ECE1: variants seen among roughly 807,000 people sequenced by gnomAD.
ECE1 encodes endothelin converting enzyme 1, also known as endothelin-converting enzyme 1.
ECE1 carries 35 observed loss-of-function variants against 98.6 expected under a neutral mutation model. That is an observed-to-expected ratio of 0.35 (90% CI 0.27 to 0.47). The LOEUF is 0.47. Ranked by LOEUF, ECE1 falls within the 20% of genes least tolerant of loss-of-function variation. ECE1 has a pLI of 1.00. For synonymous variants in ECE1, 394 were observed against 407.1 expected, an observed-to-expected ratio of 0.97 and a Z score of 0.39; for missense variants, 814 against 1,025.3, an observed-to-expected ratio of 0.79 and a Z score of 2.81.
intron 4 of ECE1, among the ~76,000 whole-genome samples, chr1:21,265,045 T>C (rs2098232154): frequency 6.6e-6 from 1 of 152,210 alleles, no homozygotes; most frequent in Non-Finnish European, 1.5e-5. Context: ...TCCTATCATG[T>C]ATTTAGTCAT....
At chr1:21,299,673 G>C (rs887982790) in intron 1 of ECE1, 1 of 152,256 alleles carries the variant, frequency 6.6e-6, no homozygotes, top group South Asian at 2.1e-4. Context: ...CCTTGGGCAA[G>C]CTACTTCACC....
At chr1:21,333,788 C>A (rs931409678) in intron 1 of ECE1, among the ~76,000 whole-genome samples, 1 of 151,822 alleles carries the variant, frequency 6.6e-6, no homozygotes, top group Non-Finnish European at 1.5e-5. Context: ...GAGCTGAGAT[C>A]GTGCCACTGC....
chr1:21,320,275 G>A (rs568855556), intron 1 of ECE1, among the ~76,000 whole-genome samples: 1 of 152,298 alleles, frequency 6.6e-6, no homozygotes, highest in East Asian at 1.9e-4. Context: ...GCTCAAACAG[G>A]TCACCGGACT....
chr1:21,219,295 C>T lies in ECE1; in HGVS notation c.*660G>A, dbSNP rs1268599074. 6.5e-6 allele frequency: 1 copy of T among 152,760 alleles called. No homozygotes were observed. The highest frequency in any genetic ancestry group is 2.4e-5 in the African/African-American group (1 of 41,480). The allele number at this position is 152,760 out of a possible 1,614,324, so 9.5% of individuals were successfully genotyped here. On this transcript the variant is annotated 3_prime_UTR_variant, in exon 19 of 19. Transcript: ENST00000374893. This position sits in a 1 kb window ranked among gnomAD's most constrained non-coding sequence, Gnocchi z 4.5. ...GGCCCCCCGCAGAGCAGGCTCCTCT[C>T]TCTGCCTGGCCTCCACACCTCTACT...
rs1446935108 is a variant in ECE1, at chr1:21,323,822, T to TC, written c.3+21553_3+21554insG. Reference sequence around the variant, plus strand: ...GGAGATGGGGGCAATTTTCTTTCTTTTTTTTTTTTTTTTGAGACATAGTTT... The same window carrying TC: ...GGAGATGGGGGCAATTTTCTTTCTTTCTTTTTTTTTTTTTGAGACATAGTTT... On this transcript the variant is annotated intron_variant, in intron 1 of 18. Transcript: ENST00000415912. Among the ~76,000 whole-genome samples, 32 of 149,012 alleles carry TC rather than the reference T, an allele frequency of 2.1e-4. No individual in the cohort carries two copies. In the South Asian group the frequency reaches 5.7e-3, roughly 27 times the overall value.
At chr1:21,268,034 T>A (rs1412350525) in intron 4 of ECE1, among the ~76,000 whole-genome samples, 1 of 152,212 alleles carries the variant, frequency 6.6e-6, no homozygotes, top group Non-Finnish European at 1.5e-5. Flanking sequence ...GATTTTTTTG[T>A]ATGCGTTCAT....
At position 21,260,127 on chromosome 1, in the gene ECE1, GCTCT is replaced by G. The variant is rs747414373; in HGVS notation, c.615+140_615+143del. On this transcript the variant is annotated intron_variant, in intron 5 of 18. Transcript: ENST00000374893. The surrounding 1 kb of genome is among the most constrained non-coding windows in gnomAD (Gnocchi z 4.3). ...CACTCACATGTGCTCTCGCACACTCGCTCTCTCTCTTTCTGTCTTTCTCTTGGTG... is the reference window on the plus strand; with the variant it reads ...CACTCACATGTGCTCTCGCACACTCGCTCTCTTTCTGTCTTTCTCTTGGTG... 1.4e-4 allele frequency: 183 copies of G among 1,290,324 alleles called. 1 individual carries two copies. Among genetic ancestry groups the G allele is most frequent in the South Asian group, 2.7e-4 (22 of 82,116 alleles). The allele number at this position is 1,290,324 out of a possible 1,614,324, so 79.9% of individuals were successfully genotyped here. A position where few individuals can be genotyped will look rare whatever the true frequency, so the allele number is the denominator to read the frequency against.
chr1:21,296,827 T>C (rs139848629), intron 1 of ECE1, among the ~76,000 whole-genome samples: 2 of 152,270 alleles, frequency 1.3e-5, no homozygotes, highest in African/African-American at 4.8e-5. Context: ...GGGCCACCCA[T>C]CTGGGATGTG....
intron 2 of ECE1, among the ~76,000 whole-genome samples, chr1:21,284,221 T>C (rs553707518): frequency 1.3e-5 from 2 of 152,322 alleles, no homozygotes; most frequent in Non-Finnish European, 2.9e-5. Context: ...GACTGGTTTC[T>C]TACGTTTCTT....
intron 1 of ECE1, among the ~76,000 whole-genome samples, chr1:21,341,612 C>A (rs1422747329): frequency 1.3e-5 from 2 of 152,198 alleles, no homozygotes; most frequent in Non-Finnish European, 2.9e-5. Context: ...CAAAAGGTAA[C>A]AACATCCTTG....
chr1:21,285,141 G>C (rs2098259129), intron 2 of ECE1, among the ~76,000 whole-genome samples: 1 of 152,140 alleles, frequency 6.6e-6, no homozygotes, highest in Non-Finnish European at 1.5e-5. Context: ...ACCCCACCCA[G>C]ATGCCTGACT....
intron 8 of ECE1, among the ~76,000 whole-genome samples, chr1:21,254,891 G>A (rs1048074757): frequency 6.6e-6 from 1 of 152,136 alleles, no homozygotes; most frequent in Non-Finnish European, 1.5e-5. Context: ...CTGCATCTCC[G>A]CCTGGGACAC....
rs779392543 is a variant in ECE1, at chr1:21,247,228, C to T, written c.1156G>A (p.Asp386Asn). 61 of 1,614,050 alleles carry T rather than the reference C, an allele frequency of 3.8e-5. No homozygotes were observed. The highest frequency in any genetic ancestry group is 4.9e-5 in the Non-Finnish European group (58 of 1,180,028). Residue 386 changes from aspartate (D) to asparagine (N), a missense_variant, in exon 9 of 19, where the codon GAC (aspartate) becomes AAC (asparagine). Asp to Asn is a conservative substitution (Grantham distance 23). Transcript: ENST00000374893. Reference sequence around the variant, plus strand: ...CACTGGGGGTCCTCTTACCATCTGTCGGTGGTGTTGATGAGAGTGGAGATC... The same window carrying T: ...CACTGGGGGTCCTCTTACCATCTGTTGGTGGTGTTGATGAGAGTGGAGATC... The part of the protein sequence containing the change: ...EQISTLINTT[D>N]RCLLNNYMIW...
intron 1 of ECE1, among the ~76,000 whole-genome samples, chr1:21,304,934 A>T (rs1306586396): frequency 2.6e-5 from 4 of 152,110 alleles, no homozygotes; most frequent in Admixed American, 2.6e-4. Flanking sequence ...ACAACTGAAG[A>T]TGCCTCTGCA....
In ECE1 at chr1:21,319,514, G is replaced by A. The variant is rs1288336774; in HGVS notation, c.3+25862C>T. Among the ~76,000 whole-genome samples the A allele has an allele frequency of 3.3e-5, 5 of 151,944 alleles. No homozygotes were observed. The highest frequency in any genetic ancestry group is 4.2e-4 in the South Asian group (2 of 4,804). On this transcript the variant is annotated intron_variant, in intron 1 of 18. Coordinates refer to the ECE1 transcript ENST00000415912. This position sits in a 1 kb window ranked among gnomAD's most constrained non-coding sequence, Gnocchi z 4.4. Reference sequence around the variant, plus strand: ...CACCTCTGTCCACCAGGGCACCCCCGGCACCAAGGGCCAGACTCCCTCTGC... The same window carrying A: ...CACCTCTGTCCACCAGGGCACCCCCAGCACCAAGGGCCAGACTCCCTCTGC...
chr1:21,256,307 G>A (rs1434352384), intron 7 of ECE1, among the ~76,000 whole-genome samples, 169 bp from the exon 8 acceptor site: 1 of 152,200 alleles, frequency 6.6e-6, no homozygotes, highest in African/African-American at 2.4e-5. Context: ...TGTAATCCTG[G>A]CACTTTGGGA....
At chr1:21,290,523 C>A, upstream of ECE1, 1 of 1,202,174 alleles carries the variant, frequency 8.3e-7, no homozygotes, top group South Asian at 4.2e-5. The surrounding 1 kb of genome is among the most constrained non-coding windows in gnomAD (Gnocchi z 7.3). Context: ...CGCCGGCGCC[C>A]GGTTCCCAAC....
intron 1 of ECE1, among the ~76,000 whole-genome samples, chr1:21,342,726 T>C (rs1352352678): frequency 1.3e-5 from 2 of 152,172 alleles, no homozygotes; most frequent in Admixed American, 1.3e-4. Flanking sequence ...GTGCTGGATT[T>C]GTTTAAAAGC....
In ECE1 at chr1:21,219,929, C is replaced by T; in HGVS notation, c.*26G>A. On this transcript the variant is annotated 3_prime_UTR_variant, in exon 19 of 19. Coordinates refer to ENST00000374893, the MANE Select transcript of ECE1 (RefSeq NM_001397.3). This position sits in a 1 kb window ranked among gnomAD's most constrained non-coding sequence, Gnocchi z 4.5. ...CTCGTCCTCAGCCCCTTCCCCTCCTCCGTCTTGGCTCTCTCCGCTTCGTCC... is the reference window on the plus strand; with the variant it reads ...CTCGTCCTCAGCCCCTTCCCCTCCTTCGTCTTGGCTCTCTCCGCTTCGTCC... The T allele has an allele frequency of 6.2e-7, 1 of 1,613,608 alleles. No individual in the cohort carries two copies. Among genetic ancestry groups the T allele is most frequent in the Non-Finnish European group, 8.5e-7 (1 of 1,179,902 alleles).
Sources: allele counts gnomAD v4.1 joint callset (sites outside exome capture counted in the v4.1 genomes callset), GRCh38; gene constraint gnomAD v4.1.1; non-coding constraint Gnocchi (gnomAD v3.1); transcripts MANE v1.5; gene names NCBI Gene and HGNC (gene_info 2026-07-23, HGNC 2026-07-21).